The following ADAMTS3 variants were observed in gnomAD, a reference collection of about 807,000 sequenced individuals.
ADAMTS3 encodes ADAM metallopeptidase with thrombospondin type 1 motif 3.
Under a neutral mutation model 129.0 loss-of-function variants are expected in ADAMTS3, and 73 were observed. That is an observed-to-expected ratio of 0.57 (90% CI 0.47 to 0.69). The LOEUF is 0.69. Among genes scored for constraint, ADAMTS3 ranks in the 30% least tolerant of loss-of-function variants. ADAMTS3 has a pLI of 0.00. For missense variants in ADAMTS3, 1,457 were observed against 1,514.5 expected (o/e 0.96, Z 0.63); for synonymous variants, 477 against 510.8 (o/e 0.93, Z 0.89).
chr4:72,386,859 A>G (rs767720151), intron 4 of ADAMTS3, among the ~76,000 whole-genome samples: 13 of 152,232 alleles, frequency 8.5e-5, no homozygotes, highest in Non-Finnish European at 1.9e-4. Flanking sequence ...ATAAGAAAGT[A>G]GATTCTCACC....
At chr4:72,398,740 CGT>C (rs1721792655) in intron 4 of ADAMTS3, among the ~76,000 whole-genome samples, 1 of 152,132 alleles carries the variant, frequency 6.6e-6, no homozygotes, top group Non-Finnish European at 1.5e-5. Flanking sequence ...GAGAAAGAAA[CGT>C]GTGACACCAG....
At chr4:72,480,970 T>C (rs138421088) in intron 3 of ADAMTS3, among the ~76,000 whole-genome samples, 4 of 152,150 alleles carry the variant, frequency 2.6e-5, no homozygotes, top group South Asian at 2.1e-4. Flanking sequence ...CATGAAAACA[T>C]ACTTAAATAT....
chr4:72,419,956 G>A (rs1201166918), intron 3 of ADAMTS3, among the ~76,000 whole-genome samples: 2 of 152,134 alleles, frequency 1.3e-5, no homozygotes, highest in African/African-American at 2.4e-5. Context: ...TGATGATTAA[G>A]TGCCAGATGG....
intron 4 of ADAMTS3, among the ~76,000 whole-genome samples, chr4:72,344,362 G>A (rs1720218692): frequency 6.6e-6 from 1 of 152,070 alleles, no homozygotes; most frequent in South Asian, 2.1e-4. Context: ...AAAAAGGACA[G>A]GAGACGAAGG....
intron 4 of ADAMTS3, among the ~76,000 whole-genome samples, chr4:72,385,433 A>C (rs1229346879): frequency 6.6e-6 from 1 of 152,082 alleles, no homozygotes; most frequent in Non-Finnish European, 1.5e-5. Context: ...ACAGGTACGA[A>C]GAGCAGGTAG....
intron 3 of ADAMTS3, among the ~76,000 whole-genome samples, chr4:72,510,087 A>C (rs1720273386): frequency 6.8e-6 from 1 of 147,162 alleles, no homozygotes; most frequent in African/African-American, 2.5e-5. Context: ...AAAAAAAAAA[A>C]CTCTCAAAAA....
At chr4:72,433,896 A>T (rs893674687) in intron 3 of ADAMTS3, among the ~76,000 whole-genome samples, 12 of 151,870 alleles carry the variant, frequency 7.9e-5, no homozygotes, top group East Asian at 3.9e-4. Context: ...AGAAAAAAAA[A>T]CTTTCAACAA....
At position 72,303,976 on chromosome 4, in the gene ADAMTS3, C is replaced by T. The variant is rs1326778642; in HGVS notation, c.2365G>A (p.Glu789Lys). The change falls in exon 17 of 22, where the codon GAA (glutamate) becomes AAA (lysine). Residue 789 changes from glutamate (E) to lysine (K), a missense_variant. Physicochemically the swap from Glu to Lys is moderately conservative, Grantham distance 56. Coordinates refer to ENST00000286657, the MANE Select transcript of ADAMTS3 (RefSeq NM_014243.3). ...DLGVEWDYNI[E>K]DDIESLHTDG... is the part of the protein sequence containing the mutation. The stretch of plus-strand genomic sequence containing the variant: ...GTGTGAAGACTTTCAATGTCATCTT[C>T]AATGTTATAATCCCACTCCACACCA... 3.7e-6 allele frequency: 6 copies of T among 1,613,764 alleles called. No individual in the cohort carries two copies. Among genetic ancestry groups the T allele is most frequent in the Non-Finnish European group, 4.2e-6 (5 of 1,179,756 alleles).
At chr4:72,512,220 A>G (rs2110035089) in intron 3 of ADAMTS3, among the ~76,000 whole-genome samples, 1 of 152,312 alleles carries the variant, frequency 6.6e-6, no homozygotes, top group South Asian at 2.1e-4. Context: ...TCACACTTGT[A>G]ATCCCTGCAC....
At chr4:72,485,986 C>A (rs1363422164) in intron 3 of ADAMTS3, among the ~76,000 whole-genome samples, 1 of 152,162 alleles carries the variant, frequency 6.6e-6, no homozygotes, top group Admixed American at 6.5e-5. Flanking sequence ...TCTTGGATTT[C>A]CTAGCATCCA....
At chr4:72,367,106 A>G (rs1186111272) in intron 4 of ADAMTS3, among the ~76,000 whole-genome samples, 5 of 152,182 alleles carry the variant, frequency 3.3e-5, no homozygotes, top group African/African-American at 4.8e-5. Flanking sequence ...AAATTCTGAT[A>G]TTTTCAGAAT....
intron 3 of ADAMTS3, among the ~76,000 whole-genome samples, chr4:72,451,113 C>A (rs1051883154): frequency 2.6e-5 from 4 of 151,714 alleles, no homozygotes; most frequent in African/African-American, 7.3e-5. Flanking sequence ...GGATAGCATA[C>A]CCTTTCATGA....
chr4:72,548,565 T>C lies in ADAMTS3; in HGVS notation c.417A>G (p.Thr139=). The C allele has an allele frequency of 6.2e-7, 1 of 1,614,012 alleles. No homozygotes were observed. The highest frequency in any genetic ancestry group is 8.5e-7 in the Non-Finnish European group (1 of 1,179,922). Residue 139 remains threonine, a synonymous_variant, in exon 3 of 22, where the codon ACA becomes ACG. Coordinates refer to ENST00000286657, the MANE Select transcript of ADAMTS3 (RefSeq NM_014243.3). ...PGSATYRIRR[T]EPLQTNCAYV... ...AAGCACAGTTAGTCTGCAAAGGCTC[T>C]GTTCTCCGGATTCTATACGTAGCAC...
intron 3 of ADAMTS3, among the ~76,000 whole-genome samples, chr4:72,435,983 A>G (rs914280296): frequency 3.3e-5 from 5 of 152,150 alleles, no homozygotes; most frequent in African/African-American, 7.2e-5. Flanking sequence ...CAATGGCAAC[A>G]AAAGACAAAA....
chr4:72,378,418 T>C (rs1416570692), intron 4 of ADAMTS3, among the ~76,000 whole-genome samples: 1 of 152,206 alleles, frequency 6.6e-6, no homozygotes, highest in Non-Finnish European at 1.5e-5. Context: ...TAACAGAAAC[T>C]ATTTATATCA....
intron 4 of ADAMTS3, among the ~76,000 whole-genome samples, chr4:72,343,683 G>A (rs1245935338): frequency 6.6e-6 from 1 of 152,034 alleles, no homozygotes; most frequent in Non-Finnish European, 1.5e-5. Flanking sequence ...TGTGACAACA[G>A]AATTAGCAGA....
chr4:72,548,385 C>T (rs1721519890), intron 3 of ADAMTS3, 93 bp downstream of exon 3: 1 of 1,295,712 alleles, frequency 7.7e-7, no homozygotes, highest in African/African-American at 1.5e-5. Flanking sequence ...AACAATGAAG[C>T]CTCCTTTCCA....
rs781080349 is a variant in ADAMTS3 at position 72,315,987 on chromosome 4, T to C, written c.1486-16A>G. ...AGGTTCGGAACTGGAAGATAGATAA[T>C]CAAATTGTCAGTGAACTCTCAGCTA... On this transcript the variant is annotated splice_polypyrimidine_tract_variant and intron_variant, in intron 10 of 21. Transcript: ENST00000286657. 6.6e-6 allele frequency: 10 copies of C among 1,524,438 alleles called. No individual in the cohort carries two copies. The South Asian group carries it at 1.0e-4, about 16-fold the overall frequency. 94.4% of individuals were successfully genotyped at this position (1,524,438 alleles called of 1,614,324 possible). A position where few individuals can be genotyped will look rare whatever the true frequency, so the allele number is the denominator to read the frequency against.
intron 2 of ADAMTS3, among the ~76,000 whole-genome samples, chr4:72,550,081 G>A (rs56412081): frequency 0.71 from 18,132 of 25,566 alleles, 6,313 homozygotes; most frequent in East Asian, 0.82. Flanking sequence ...AAGAGGAAGA[G>A]GAAGAAGAAG....
Sources: gnomAD v4.1 joint callset for allele counts (sites outside exome capture counted in the v4.1 genomes callset) on GRCh38, gnomAD v4.1.1 for gene constraint, MANE v1.5 for transcripts, NCBI Gene and HGNC (gene_info 2026-07-23, HGNC 2026-07-21) for gene names.